MAX: variants seen among roughly 807,000 people sequenced by gnomAD.
MAX encodes the protein protein max.
Under a neutral mutation model 22.3 loss-of-function variants are expected in MAX, and 3 were observed. The ratio of observed to expected loss-of-function variants is 0.13; its 90% CI spans 0.06 to 0.35. The LOEUF (loss-of-function observed/expected upper bound fraction) is 0.35, where lower values mean the gene tolerates loss of function less well. MAX is among the 10% of genes least tolerant of loss of function. MAX has a pLI of 1.00. For missense variants in MAX, 119 were observed against 209.4 expected (o/e 0.57, Z 2.66); for synonymous variants, 72 against 77.7 (o/e 0.93, Z 0.39).
chr14:65,038,140 G>T (rs1348892138), intron 3 of MAX, among the ~76,000 whole-genome samples: 1 of 152,178 alleles, frequency 6.6e-6, no homozygotes, highest in Non-Finnish European at 1.5e-5. Context: ...GCTGGGCGTG[G>T]TGGCTCACGC....
At chr14:65,071,472 A>C (rs1467073660), downstream of MAX, among the ~76,000 whole-genome samples, 2 of 152,206 alleles carry the variant, frequency 1.3e-5, no homozygotes, top group Non-Finnish European at 2.9e-5. This position sits in a 1 kb window ranked among gnomAD's most constrained non-coding sequence, Gnocchi z 4.2. Flanking sequence ...AAACTAAAAA[A>C]TGGCTGCACT....
Position 65,054,667 on chromosome 14 carries a change from T to G in MAX, c.171+39041A>C, listed in dbSNP as rs1156584834. 6.2e-7 allele frequency: 1 copy of G among 1,612,654 alleles called. No homozygotes were observed. The highest frequency in any genetic ancestry group is 8.5e-7 in the Non-Finnish European group (1 of 1,179,386). ...GGAGCCATGTTGCATGATGTGGTCC[T>G]GGGTGTGCCCGAAAACGCTCTGGTA... On this transcript the variant is annotated intron_variant, in intron 3 of 3. Transcript: ENST00000341653. This position sits in a 1 kb window ranked among gnomAD's most constrained non-coding sequence, Gnocchi z 4.4.
intron 3 of MAX, among the ~76,000 whole-genome samples, chr14:65,037,627 A>G (rs2139609673): frequency 6.8e-6 from 1 of 146,918 alleles, no homozygotes; most frequent in South Asian, 2.1e-4. Context: ...GCCTCACCAC[A>G]TTGCCCAGGT....
At chr14:65,045,667 C>T (rs755998432) in intron 3 of MAX, among the ~76,000 whole-genome samples, 1 of 152,116 alleles carries the variant, frequency 6.6e-6, no homozygotes, top group Admixed American at 6.5e-5. Context: ...CCGCCCACTT[C>T]GGCCTCCCAA....
At position 65,032,958 on chromosome 14, in the gene MAX, C is replaced by T. The variant is rs532204886; in HGVS notation, c.172-26674G>A. Reference sequence around the variant, plus strand: ...TAGTGAGAGCCTGAATTGATTTAACCAGTTTTTAGAGCAATTTGACAGTAT... The same window carrying T: ...TAGTGAGAGCCTGAATTGATTTAACTAGTTTTTAGAGCAATTTGACAGTAT... On this transcript the variant is annotated intron_variant, in intron 3 of 3. Transcript: ENST00000341653. This position sits in a 1 kb window ranked among gnomAD's most constrained non-coding sequence, Gnocchi z 5.0. 2.6e-5 allele frequency among the ~76,000 whole-genome samples: 4 copies of T among 152,070 alleles called. No individual in the cohort carries two copies. In the East Asian group the frequency reaches 7.7e-4, roughly 29 times the overall value.
At chr14:65,013,683 G>A (rs2061720841) in intron 3 of MAX, among the ~76,000 whole-genome samples, 1 of 152,142 alleles carries the variant, frequency 6.6e-6, no homozygotes, top group Admixed American at 6.5e-5. Flanking sequence ...GAGTGGCCAG[G>A]ATTACAGGTG....
chr14:65,042,605 G>T, intron 3 of MAX, among the ~76,000 whole-genome samples: 1 of 152,216 alleles, frequency 6.6e-6, no homozygotes, highest in East Asian at 1.9e-4. Flanking sequence ...GCCTGGCATG[G>T]TCTGGGGGTT....
upstream of MAX, chr14:65,102,649 T>C: frequency 9.7e-7 from 1 of 1,031,976 alleles, no homozygotes; most frequent in East Asian, 4.9e-5. Context: ...CCAGAAAAAC[T>C]ACAAATCCCG....
chr14:65,006,529 T>G (rs942138707), intron 3 of MAX, among the ~76,000 whole-genome samples: 15 of 152,200 alleles, frequency 9.9e-5, no homozygotes, highest in Non-Finnish European at 2.2e-4. Context: ...TGGTTCAAGC[T>G]TAGCCTCCCC....
intron 3 of MAX, among the ~76,000 whole-genome samples, chr14:65,045,706 G>A (rs576683856): frequency 2.0e-5 from 3 of 152,128 alleles, no homozygotes; most frequent in East Asian, 3.9e-4. Context: ...GTGAGCCACC[G>A]CACCCGGCCC....
chr14:65,073,757 G>A (rs189594246), downstream of MAX, among the ~76,000 whole-genome samples: 310 of 152,296 alleles, frequency 2.0e-3, 1 homozygote, highest in Non-Finnish European at 2.8e-3. Context: ...CTTTTCAGCT[G>A]AGCAGTTTCC....
chr14:65,046,920 A>G (rs1240342878), intron 3 of MAX, among the ~76,000 whole-genome samples: 1 of 152,208 alleles, frequency 6.6e-6, no homozygotes, highest in African/African-American at 2.4e-5. Flanking sequence ...AGACAACAAA[A>G]GTTATTTTAC....
intron 3 of MAX, among the ~76,000 whole-genome samples, chr14:65,043,642 G>A (rs1441330164): frequency 6.6e-6 from 1 of 151,504 alleles, no homozygotes; most frequent in East Asian, 1.9e-4. Flanking sequence ...CTAACAAGGT[G>A]AAACCCCGTC....
chr14:65,075,318 T>C lies in MAX; in HGVS notation c.*1158A>G, dbSNP rs2063029820. ...ACGGAGTAGGAAAAAGACAAAGAAA[T>C]GAGGCCTAAACACACAAAACCCTTC... On this transcript the variant is annotated 3_prime_UTR_variant, in exon 5 of 5. Transcript: ENST00000358664. The surrounding 1 kb of genome is among the most constrained non-coding windows in gnomAD (Gnocchi z 4.1). The C allele has an allele frequency of 9.4e-7, 1 of 1,061,988 alleles. No individual in the cohort carries two copies. Among genetic ancestry groups the C allele is most frequent in the Non-Finnish European group, 1.1e-6 (1 of 877,180 alleles). 65.8% of individuals were successfully genotyped at this position (1,061,988 alleles called of 1,614,324 possible). A position where few individuals can be genotyped will look rare whatever the true frequency, so the allele number is the denominator to read the frequency against.
rs1322031971 is a variant in MAX, at chr14:65,012,425, T to C, written c.172-6141A>G. ...TACCCAGGAACTCTTGCTGTCAAAT[T>C]ATCCACCAAATCCTCCTCCTTTTTC... On this transcript the variant is annotated intron_variant, in intron 3 of 3. Transcript: ENST00000341653. The surrounding 1 kb of genome is among the most constrained non-coding windows in gnomAD (Gnocchi z 5.0). 2.5e-6 allele frequency: 4 copies of C among 1,612,974 alleles called. No individual in the cohort carries two copies. Among genetic ancestry groups the C allele is most frequent in the Non-Finnish European group, 3.4e-6 (4 of 1,179,076 alleles).
At chr14:65,099,687 T>C (rs919292056) in intron 2 of MAX, among the ~76,000 whole-genome samples, 6 of 149,400 alleles carry the variant, frequency 4.0e-5, no homozygotes, top group African/African-American at 1.5e-4. Flanking sequence ...ATTTTACAAC[T>C]GGAGACTTGC....
Position 65,054,794 on chromosome 14 carries a change from G to GGAA in MAX, c.171+38911_171+38913dup. On this transcript the variant is annotated intron_variant, in intron 3 of 3. Transcript: ENST00000341653. This position sits in a 1 kb window ranked among gnomAD's most constrained non-coding sequence, Gnocchi z 4.4. Reference sequence around the variant, plus strand: ...CTCTGCATTTCCTGTGTGGACAGGCGGAAGCTTGTGGTCCCTCTGCCCTTC... The same window carrying GGAA: ...CTCTGCATTTCCTGTGTGGACAGGCGGAAGAAGCTTGTGGTCCCTCTGCCCTTC... 8.1e-7 allele frequency: 1 copy of GGAA among 1,233,470 alleles called. No individual in the cohort carries two copies. The highest frequency in any genetic ancestry group is 1.1e-6 in the Non-Finnish European group (1 of 880,020). The allele number at this position is 1,233,470 out of a possible 1,614,324, so 76.4% of individuals were successfully genotyped here.
downstream of MAX, among the ~76,000 whole-genome samples, chr14:65,073,314 T>C (rs527433452): frequency 2.6e-5 from 4 of 152,314 alleles, no homozygotes; most frequent in East Asian, 5.8e-4. Context: ...TCAGTCCCAG[T>C]TCAGGGCTCT....
At chr14:65,053,296 C>T (rs2062653604) in intron 3 of MAX, 3 of 1,462,994 alleles carry the variant, frequency 2.1e-6, no homozygotes, top group Non-Finnish European at 2.7e-6. Flanking sequence ...TGCAGGAGTA[C>T]ATCCTGATGT....
Sources: gnomAD v4.1 joint callset for allele counts (sites outside exome capture counted in the v4.1 genomes callset) on GRCh38, gnomAD v4.1.1 for gene constraint, Gnocchi (gnomAD v3.1) non-coding constraint, MANE v1.5 for transcripts, NCBI Gene and HGNC (gene_info 2026-07-23, HGNC 2026-07-21) for gene names.